The following TFDP2 variants were observed in gnomAD, a reference collection of about 807,000 sequenced individuals.
TFDP2 encodes the protein transcription factor Dp-2 (E2F dimerization partner 2).
TFDP2 carries 17 observed loss-of-function variants against 59.3 expected under a neutral mutation model. That is an observed-to-expected ratio of 0.29 (90% CI 0.20 to 0.43). The LOEUF (loss-of-function observed/expected upper bound fraction) is 0.43. Among genes scored for constraint, TFDP2 ranks in the 20% least tolerant of loss-of-function variants. TFDP2 has a pLI of 1.00. For synonymous variants in TFDP2, 180 were observed against 194.7 expected (o/e 0.92, Z 0.63); for missense variants, 391 against 528.8 (o/e 0.74, Z 2.56).
chr3:142,124,917 T>C (rs1402170954), intron 1 of TFDP2, among the ~76,000 whole-genome samples: 2 of 152,122 alleles, frequency 1.3e-5, no homozygotes, highest in Non-Finnish European at 1.5e-5. Context: ...ACAAATGAGC[T>C]GGGCATTGTA....
chr3:142,012,106 G>A (rs113724303), intron 3 of TFDP2, among the ~76,000 whole-genome samples: 10,467 of 149,422 alleles, frequency 0.07, 469 homozygotes, highest in Non-Finnish European at 0.11. Context: ...TCTGCCTCCC[G>A]GGTTCATGCC....
chr3:141,995,249 A>C, intron 4 of TFDP2, 108 bp from the exon 5 acceptor site: 1 of 842,412 alleles, frequency 1.2e-6, no homozygotes, highest in Non-Finnish European at 1.7e-6. Context: ...CTTGCTGCCT[A>C]AAAGGCACTT....
intron 3 of TFDP2, among the ~76,000 whole-genome samples, chr3:142,044,614 G>T (rs1275340273): frequency 6.6e-6 from 1 of 152,018 alleles, no homozygotes; most frequent in Non-Finnish European, 1.5e-5. Flanking sequence ...CAAATGATCT[G>T]CCCACCTCGG....
In TFDP2 at chr3:141,956,378, C is replaced by T. The variant is rs1481869514; in HGVS notation, c.1051+3296G>A. Among the ~76,000 whole-genome samples the T allele has an allele frequency of 2.0e-5, 3 of 152,066 alleles. No homozygotes were observed. The East Asian group carries it at 5.8e-4, about 30-fold the overall frequency. ...ACCAGCCTGGCCAACGTGGTGAAAC[C>T]CTGTCTCTACTAAAAATACAAAAAT... On this transcript the variant is annotated intron_variant, in intron 11 of 12. Transcript: ENST00000489671.
At chr3:142,028,169 A>T (rs1576771149) in intron 3 of TFDP2, among the ~76,000 whole-genome samples, 1 of 152,332 alleles carries the variant, frequency 6.6e-6, no homozygotes, top group East Asian at 1.9e-4. Flanking sequence ...AGTGGAAAAA[A>T]TGTTTAGTTA....
chr3:141,988,127 C>A (rs564699653), intron 6 of TFDP2, among the ~76,000 whole-genome samples: 5 of 151,914 alleles, frequency 3.3e-5, no homozygotes, highest in African/African-American at 1.2e-4. Flanking sequence ...TGTATTTTTT[C>A]TAGAGATGGT....
At chr3:141,954,835 C>CA (rs1350964539) in intron 11 of TFDP2, among the ~76,000 whole-genome samples, 15 of 151,808 alleles carry the variant, frequency 9.9e-5, no homozygotes, top group South Asian at 4.2e-4. Context: ...AATTACTATA[C>CA]AAAAAAATGA....
chr3:142,110,361 G>A (rs1047751511), intron 1 of TFDP2, among the ~76,000 whole-genome samples: 4 of 152,046 alleles, frequency 2.6e-5, no homozygotes, highest in Admixed American at 6.5e-5. Flanking sequence ...AAAATTAGCC[G>A]GGCGTGGCGG....
At chr3:142,080,512 G>C (rs1239407177) in intron 3 of TFDP2, among the ~76,000 whole-genome samples, 1 of 152,052 alleles carries the variant, frequency 6.6e-6, no homozygotes, top group Admixed American at 6.5e-5. Context: ...CAATAACATC[G>C]AATGAAAACG....
chr3:141,997,279 A>G (rs892802301), intron 4 of TFDP2, among the ~76,000 whole-genome samples: 17 of 152,330 alleles, frequency 1.1e-4, no homozygotes, highest in Middle Eastern at 3.4e-3. Flanking sequence ...ATATGCTAAA[A>G]GGTTTATATA....
intron 3 of TFDP2, among the ~76,000 whole-genome samples, chr3:142,056,637 C>G (rs2059758271): frequency 6.6e-6 from 1 of 152,094 alleles, no homozygotes. Context: ...TAAATGATAC[C>G]TAAGACAAAA....
At chr3:141,968,327 T>C (rs1374479364) in intron 9 of TFDP2, among the ~76,000 whole-genome samples, 1 of 118,022 alleles carries the variant, frequency 8.5e-6, no homozygotes, top group Non-Finnish European at 1.8e-5. Context: ...ATATAACATA[T>C]AATATATATA....
At chr3:141,981,604 G>A (rs1375963815) in intron 6 of TFDP2, among the ~76,000 whole-genome samples, 1 of 152,174 alleles carries the variant, frequency 6.6e-6, no homozygotes, top group Non-Finnish European at 1.5e-5. Flanking sequence ...TTACCTCACA[G>A]ACTACTTATT....
At chr3:142,126,614 A>T (rs1287120649) in intron 1 of TFDP2, among the ~76,000 whole-genome samples, 1 of 152,134 alleles carries the variant, frequency 6.6e-6, no homozygotes, top group African/African-American at 2.4e-5. Flanking sequence ...CTTTGGTTAA[A>T]TATGAACACA....
At chr3:141,989,893 A>ATTATT (rs1559983638) in intron 6 of TFDP2, among the ~76,000 whole-genome samples, 5 of 145,488 alleles carry the variant, frequency 3.4e-5, no homozygotes, top group African/African-American at 7.6e-5. Flanking sequence ...TAATAATAAT[A>ATTATT]ATTATTATTA....
chr3:141,958,950 T>C (rs1339644543), intron 11 of TFDP2, among the ~76,000 whole-genome samples: 1 of 124,344 alleles, frequency 8.0e-6, no homozygotes, highest in East Asian at 2.2e-4. Context: ...GTACCTACTT[T>C]TTTTTTTTTT....
chr3:142,035,956 T>C, intron 3 of TFDP2, among the ~76,000 whole-genome samples: 1 of 152,238 alleles, frequency 6.6e-6, no homozygotes, highest in Non-Finnish European at 1.5e-5. Context: ...TAAATACTAA[T>C]CAAGTTCTTG....
At chr3:141,986,524 T>C (rs748378937) in intron 6 of TFDP2, among the ~76,000 whole-genome samples, 18 of 152,246 alleles carry the variant, frequency 1.2e-4, no homozygotes, top group Non-Finnish European at 2.4e-4. Flanking sequence ...ATTCATTTCA[T>C]TGTATGAATA....
At chr3:142,014,485 T>C (rs1170666665) in intron 3 of TFDP2, among the ~76,000 whole-genome samples, 3 of 152,046 alleles carry the variant, frequency 2.0e-5, no homozygotes, top group Admixed American at 1.3e-4. Flanking sequence ...GGTGTATGTG[T>C]TTGCTGAAGT....
Sources: allele counts gnomAD v4.1 joint callset (sites outside exome capture counted in the v4.1 genomes callset), GRCh38; gene constraint gnomAD v4.1.1; transcripts MANE v1.5; gene names NCBI Gene and HGNC (gene_info 2026-07-23, HGNC 2026-07-21).